RAMP3: variants seen among roughly 807,000 people sequenced by gnomAD.
RAMP3 encodes the protein receptor activity-modifying protein 3.
A neutral mutation model predicts 13.5 loss-of-function variants in RAMP3; 14 were observed. The observed-to-expected ratio is 1.04, with a 90% CI of 0.69 to 1.63. RAMP3 has a LOEUF of 1.63. Ranked by LOEUF, RAMP3 falls within the 40% of genes most tolerant of loss-of-function variation. RAMP3 has a pLI of 0.00. For missense variants in RAMP3, 200 were observed against 204.8 expected, an observed-to-expected ratio of 0.98 and a Z score of 0.14; for synonymous variants, 106 against 88.3, an observed-to-expected ratio of 1.20 and a Z score of -1.12.
intron 1 of RAMP3, among the ~76,000 whole-genome samples, chr7:45,164,489 C>T (rs983080561): frequency 2.0e-5 from 3 of 151,988 alleles, no homozygotes; most frequent in African/African-American, 7.3e-5. Context: ...GAGTCATGAT[C>T]ACACCACTGT....
At position 45,164,169 on chromosome 7, in the gene RAMP3, A is replaced by G. The variant is rs574859543; in HGVS notation, c.58+6283A>G. Among the ~76,000 whole-genome samples, 56 of 152,238 alleles carry G rather than the reference A, an allele frequency of 3.7e-4. No individual in the cohort carries two copies. The South Asian group carries it at 0.011, about 31-fold the overall frequency. Reference sequence around the variant, plus strand: ...CACTGTGCTCCTGCCTGTGCCCTGGACACCTCTGTTCCTCCTCTGTTCACG... The same window carrying G: ...CACTGTGCTCCTGCCTGTGCCCTGGGCACCTCTGTTCCTCCTCTGTTCACG... On this transcript the variant is annotated intron_variant, in intron 1 of 2. Coordinates refer to ENST00000242249, the MANE Select transcript of RAMP3 (RefSeq NM_005856.3).
chr7:45,170,628 C>G (rs28844643), intron 1 of RAMP3, among the ~76,000 whole-genome samples: 1 of 151,296 alleles, frequency 6.6e-6, no homozygotes, highest in Admixed American at 6.6e-5. Flanking sequence ...TGAGCCTCTG[C>G]GCCCGGCCTT....
chr7:45,175,807 G>A (rs73114095), intron 1 of RAMP3, among the ~76,000 whole-genome samples: 55 of 152,218 alleles, frequency 3.6e-4, no homozygotes, highest in Middle Eastern at 6.8e-3. Context: ...GGCATCAGAC[G>A]CTTGTTCAAC....
In RAMP3 at chr7:45,166,958, C is replaced by CTTTTTT. The variant is rs202162694; in HGVS notation, c.58+9084_58+9089dup. ...TAGCTCTACATGTAGGTCTTTGATGCTTTTTTTTTTTTTTTTTGAGACAGA... is the reference window on the plus strand; with the variant it reads ...TAGCTCTACATGTAGGTCTTTGATGCTTTTTTTTTTTTTTTTTTTTTTTGAGACAGA... On this transcript the variant is annotated intron_variant, in intron 1 of 2. Transcript: ENST00000242249. 2.0e-5 allele frequency among the ~76,000 whole-genome samples: 2 copies of CTTTTTT among 101,240 alleles called. 1 individual carries two copies. Among genetic ancestry groups the CTTTTTT allele is most frequent in the African/African-American group, 9.1e-5 (2 of 22,064 alleles). The allele number at this position is 101,240 out of a possible 152,430, so 66.4% of individuals were successfully genotyped here. A position where few individuals can be genotyped will look rare whatever the true frequency, so the allele number is the denominator to read the frequency against.
intron 2 of RAMP3, among the ~76,000 whole-genome samples, chr7:45,182,632 G>T (rs1215550754): frequency 6.6e-6 from 1 of 152,220 alleles, no homozygotes; most frequent in Non-Finnish European, 1.5e-5. Flanking sequence ...AGGAGATGAA[G>T]AGGCAGGGAC....
In RAMP3 at chr7:45,184,238, C is replaced by T; in HGVS notation, c.*826C>T. The T allele has an allele frequency of 2.5e-6, 1 of 398,292 alleles. No individual in the cohort carries two copies. Among genetic ancestry groups the T allele is most frequent in the Non-Finnish European group, 4.4e-6 (1 of 226,016 alleles). The allele number at this position is 398,292 out of a possible 1,614,324, so 24.7% of individuals were successfully genotyped here. A position where few individuals can be genotyped will look rare whatever the true frequency, so the allele number is the denominator to read the frequency against. On this transcript the variant is annotated 3_prime_UTR_variant, in exon 3 of 3. Transcript: ENST00000242249. Reference sequence around the variant, plus strand: ...CTGTGTTTTATCTGAGTAAAGTTACCTTACTTCTGGAATTTCCTGTTTTGT... The same window carrying T: ...CTGTGTTTTATCTGAGTAAAGTTACTTTACTTCTGGAATTTCCTGTTTTGT...
intron 1 of RAMP3, among the ~76,000 whole-genome samples, chr7:45,158,551 T>C (rs1785806794): frequency 1.3e-5 from 2 of 152,006 alleles, no homozygotes; most frequent in Non-Finnish European, 2.9e-5. Context: ...GCTAAAGAAA[T>C]TATCCAAGAA....
intron 1 of RAMP3, among the ~76,000 whole-genome samples, chr7:45,166,298 T>G (rs767856463): frequency 1.6e-4 from 24 of 151,914 alleles, no homozygotes; most frequent in Admixed American, 4.6e-4. Flanking sequence ...ACCTCCCAAA[T>G]GTCTGGGGTT....
At chr7:45,170,257 T>G (rs2128656708) in intron 1 of RAMP3, among the ~76,000 whole-genome samples, 1 of 152,158 alleles carries the variant, frequency 6.6e-6, no homozygotes, top group African/African-American at 2.4e-5. Flanking sequence ...GTCTTTAAGC[T>G]TAGTTTGATC....
At chr7:45,163,209 C>A (rs1019088035) in intron 1 of RAMP3, 1 of 985,274 alleles carries the variant, frequency 1.0e-6, no homozygotes. Flanking sequence ...CTGGGTCTGT[C>A]CTATCTCTGG....
At chr7:45,167,774 C>T (rs890987026) in intron 1 of RAMP3, among the ~76,000 whole-genome samples, 8 of 151,660 alleles carry the variant, frequency 5.3e-5, no homozygotes, top group African/African-American at 1.5e-4. Flanking sequence ...TTAGTAGAGA[C>T]GGGGTTTCTC....
At chr7:45,173,724 C>T (rs545806991) in intron 1 of RAMP3, among the ~76,000 whole-genome samples, 1 of 152,330 alleles carries the variant, frequency 6.6e-6, no homozygotes, top group African/African-American at 2.4e-5. Context: ...CTGTAGGCTT[C>T]TGCCACTTCT....
chr7:45,163,902 C>T (rs1785911290), intron 1 of RAMP3: 2 of 984,090 alleles, frequency 2.0e-6, no homozygotes, highest in Non-Finnish European at 2.4e-6. Context: ...AGCTTCAGTC[C>T]TGGCTGATGC....
At chr7:45,166,821 A>G (rs1282570620) in intron 1 of RAMP3, among the ~76,000 whole-genome samples, 2 of 151,904 alleles carry the variant, frequency 1.3e-5, no homozygotes, top group East Asian at 3.9e-4. Flanking sequence ...TGTTGCCCAG[A>G]CTGGAGTGCA....
At chr7:45,174,899 T>C (rs986276357) in intron 1 of RAMP3, among the ~76,000 whole-genome samples, 123 of 152,326 alleles carry the variant, frequency 8.1e-4, no homozygotes, top group East Asian at 7.7e-4. Flanking sequence ...CAACACATGA[T>C]AGCGGTGGTC....
chr7:45,167,252 C>T (rs182268634), intron 1 of RAMP3, among the ~76,000 whole-genome samples: 2 of 151,940 alleles, frequency 1.3e-5, no homozygotes, highest in Non-Finnish European at 1.5e-5. Flanking sequence ...CCACGGCGCC[C>T]GGCCTGTGAT....
intron 1 of RAMP3, among the ~76,000 whole-genome samples, chr7:45,159,745 A>C (rs1230080200): frequency 6.6e-6 from 1 of 152,126 alleles, no homozygotes; most frequent in Non-Finnish European, 1.5e-5. Context: ...AGTCCCTATC[A>C]CCTTGTGTTG....
At chr7:45,167,749 G>A (rs1358613737) in intron 1 of RAMP3, among the ~76,000 whole-genome samples, 1 of 151,758 alleles carries the variant, frequency 6.6e-6, no homozygotes, top group South Asian at 2.1e-4. Context: ...ACCACGCCCG[G>A]GTAATTTTGT....
chr7:45,166,286 C>T (rs148418180), intron 1 of RAMP3, among the ~76,000 whole-genome samples: 2 of 152,006 alleles, frequency 1.3e-5, no homozygotes, highest in African/African-American at 4.8e-5. Context: ...CCTCCCACTT[C>T]AACCTCCCAA....
Sources: gnomAD v4.1 joint callset for allele counts (sites outside exome capture counted in the v4.1 genomes callset) on GRCh38, gnomAD v4.1.1 for gene constraint, MANE v1.5 for transcripts, NCBI Gene and HGNC (gene_info 2026-07-23, HGNC 2026-07-21) for gene names.